DACT3: variants seen among roughly 807,000 people sequenced by gnomAD.
The protein encoded by DACT3 is dapper homolog 3.
DACT3 carries 5 observed loss-of-function variants against 19.6 expected under a neutral mutation model. The observed-to-expected ratio is 0.26, with a 90% CI of 0.13 to 0.54. The LOEUF is 0.54. DACT3 is among the 20% of genes least tolerant of loss of function. DACT3 has a pLI of 0.95. For synonymous variants in DACT3, 454 were observed against 428.1 expected, an observed-to-expected ratio of 1.06 and a Z score of -0.75; for missense variants, 908 against 927.4, an observed-to-expected ratio of 0.98 and a Z score of 0.27.
At chr19:46,652,551 A>T (rs957080566) in intron 3 of DACT3, 109 bp downstream of exon 3, 30 of 1,196,248 alleles carry the variant, frequency 2.5e-5, no homozygotes, top group Non-Finnish European at 3.3e-5. Context: ...GTGAAAAGGA[A>T]ATGTCACAGC....
At chr19:46,659,389 G>A (rs1258085666) in intron 1 of DACT3, 6 of 972,522 alleles carry the variant, frequency 6.2e-6, no homozygotes, top group Non-Finnish European at 7.3e-6. Flanking sequence ...CGAGGGCAGA[G>A]GGGGAGAGGA....
intron 1 of DACT3, chr19:46,654,978 C>G: frequency 1.0e-6 from 1 of 985,396 alleles, no homozygotes; most frequent in East Asian, 1.1e-4. Context: ...GTGAAGTCAT[C>G]TTTGAGCGGA....
At chr19:46,657,689 G>T (rs992907915) in intron 1 of DACT3, among the ~76,000 whole-genome samples, 12 of 151,440 alleles carry the variant, frequency 7.9e-5, no homozygotes, top group Admixed American at 2.6e-4. Context: ...ATGCCAGTTT[G>T]TATGATTACA....
rs2052948413 is a variant in DACT3, at chr19:46,648,950, A to T, written c.1422T>A (p.Arg474=). ...CGATCTCCGCAGTGGAGCGCCAGCG[A>T]CGGCAGGACCCTGCGGCCTGGGCCG... is the stretch of plus-strand genomic sequence containing the variant. ...TLAAQAAGSC[R]RWRSTAEIDA... Residue 474 remains arginine (R), a synonymous_variant, in exon 4 of 4, where the codon CGT becomes CGA. Transcript: ENST00000391916. The surrounding 1 kb of genome is among the most constrained non-coding windows in gnomAD (Gnocchi z 5.1). The T allele has an allele frequency of 7.6e-7, 1 of 1,316,932 alleles. No individual in the cohort carries two copies. Among genetic ancestry groups the T allele is most frequent in the African/African-American group, 1.6e-5 (1 of 64,370 alleles). The allele number at this position is 1,316,932 out of a possible 1,614,324, so 81.6% of individuals were successfully genotyped here.
At chr19:46,657,823 G>A (rs1386816552) in intron 1 of DACT3, among the ~76,000 whole-genome samples, 7 of 152,044 alleles carry the variant, frequency 4.6e-5, no homozygotes, top group South Asian at 2.1e-4. Context: ...AGACCGAGGC[G>A]GGAGGATCAC....
rs2053064770 is a variant in DACT3 at position 46,660,211 on chromosome 19, C to T, written c.249+605G>A. Reference sequence around the variant, plus strand: ...AGCAGGGGAAGTGTCACCAAAGGGTCAAGATCCCAGTGGGGGGTCCTCAGG... The same window carrying T: ...AGCAGGGGAAGTGTCACCAAAGGGTTAAGATCCCAGTGGGGGGTCCTCAGG... On this transcript the variant is annotated intron_variant, in intron 1 of 3. Coordinates refer to ENST00000391916, the MANE Select transcript of DACT3 (RefSeq NM_145056.3). The surrounding 1 kb of genome is among the most constrained non-coding windows in gnomAD (Gnocchi z 4.9). Among the ~76,000 whole-genome samples the T allele has an allele frequency of 6.6e-6, 1 of 152,162 alleles. No individual in the cohort carries two copies. Among genetic ancestry groups the T allele is most frequent in the South Asian group, 2.1e-4 (1 of 4,832 alleles).
At chr19:46,653,100 G>A (rs1402885554) in intron 1 of DACT3, 25 bp from the exon 2 acceptor site, 1 of 1,549,674 alleles carries the variant, frequency 6.5e-7, no homozygotes, top group Admixed American at 2.0e-5. Context: ...AGAGAAGGAT[G>A]GTCAGAAGGC....
At chr19:46,658,986 A>T in intron 1 of DACT3, 4 of 654,800 alleles carry the variant, frequency 6.1e-6, no homozygotes, top group Non-Finnish European at 7.6e-6. Flanking sequence ...CATTCCTATT[A>T]GAAAGTAATC....
chr19:46,651,712 C>T (rs1234453619), intron 3 of DACT3: 1 of 142,656 alleles, frequency 7.0e-6, no homozygotes, highest in African/African-American at 2.6e-5. Flanking sequence ...TTATTTTTAT[C>T]TTTTTGAGGC....
At chr19:46,655,483 T>C (rs2053025953) in intron 1 of DACT3, among the ~76,000 whole-genome samples, 1 of 151,976 alleles carries the variant, frequency 6.6e-6, no homozygotes, top group African/African-American at 2.4e-5. Context: ...TGTGGTGGTG[T>C]GTGCCTGTAA....
At chr19:46,655,952 AACACACATATATATAT>A (rs1360869413) in intron 1 of DACT3, among the ~76,000 whole-genome samples, 4 of 144,396 alleles carry the variant, frequency 2.8e-5, no homozygotes, top group Non-Finnish European at 4.5e-5. Context: ...TATATACACA[AACACACATATATATAT>A]ACACACATAT....
chr19:46,648,458 G>A lies in DACT3; in HGVS notation c.*24C>T. 1.2e-6 allele frequency: 2 copies of A among 1,613,800 alleles called. No individual in the cohort carries two copies. Among genetic ancestry groups the A allele is most frequent in the South Asian group, 1.1e-5 (1 of 90,982 alleles). ...TGTGGAGGTGCAGAGGCCATGAAGG[G>A]GGAGCCCAAGCAAATCCCCAAACTC... On this transcript the variant is annotated 3_prime_UTR_variant, in exon 4 of 4. Transcript: ENST00000391916. The surrounding 1 kb of genome is among the most constrained non-coding windows in gnomAD (Gnocchi z 5.1).
chr19:46,657,990 T>C (rs2053045295), intron 1 of DACT3, among the ~76,000 whole-genome samples: 3 of 151,292 alleles, frequency 2.0e-5, no homozygotes, highest in Admixed American at 2.0e-4. Context: ...AGGTGGAGGT[T>C]GCAGTGAGCC....
chr19:46,653,539 T>TTTATTTA (rs2053006759), intron 1 of DACT3, among the ~76,000 whole-genome samples: 4 of 141,152 alleles, frequency 2.8e-5, no homozygotes, highest in African/African-American at 5.3e-5. Context: ...CTTTTTTTAT[T>TTTATTTA]TTTATTTATT....
Position 46,648,318 on chromosome 19 carries a change from T to G in DACT3, c.*164A>C, listed in dbSNP as rs1170673909. On this transcript the variant is annotated 3_prime_UTR_variant, in exon 4 of 4. Transcript: ENST00000391916. This position sits in a 1 kb window ranked among gnomAD's most constrained non-coding sequence, Gnocchi z 5.1. ...TCCTCCCCATTCCTCTCGGTGGTGG[T>G]GGGGGAGCCTTTTCAACCAAGACTG... 412 of 920,926 alleles carry G rather than the reference T, an allele frequency of 4.5e-4. No individual in the cohort carries two copies. Among genetic ancestry groups the G allele is most frequent in the Non-Finnish European group, 5.6e-4 (361 of 646,730 alleles). The allele number at this position is 920,926 out of a possible 1,614,324, so 57.0% of individuals were successfully genotyped here.
intron 3 of DACT3, chr19:46,651,186 G>C (rs923478168): frequency 1.3e-5 from 2 of 151,560 alleles, no homozygotes; most frequent in Non-Finnish European, 2.9e-5. Context: ...AGGTTCAAGC[G>C]ATTCTCCTGC....
In DACT3 at chr19:46,649,155, A is replaced by G. The variant is rs2052952055; in HGVS notation, c.1217T>C (p.Met406Thr). The change falls in exon 4 of 4, where the codon ATG becomes ACG. Residue 406 changes from methionine to threonine, a missense_variant. Physicochemically the swap from Met to Thr is moderately conservative, Grantham distance 81. Around this residue, in one of 2 missense-constraint regions of DACT3, gnomAD observed 656 missense variants for 601.8 expected, o/e 1.09. Coordinates refer to ENST00000391916, the MANE Select transcript of DACT3 (RefSeq NM_145056.3). ...RPRAAGRRGR[M>T]AEASGRRGSP... is the part of the protein sequence containing the mutation. ...GCCGCGGCGGCCCGAAGCCTCGGCC[A>G]TGCGTCCACGGCGGCCGGCGGCCCG... is the stretch of plus-strand genomic sequence containing the variant. The G allele has an allele frequency of 1.8e-5, 23 of 1,243,294 alleles. No homozygotes were observed. The highest frequency in any genetic ancestry group is 2.3e-5 in the Non-Finnish European group (23 of 995,128). 77.0% of individuals were successfully genotyped at this position (1,243,294 alleles called of 1,614,324 possible).
intron 3 of DACT3, chr19:46,650,444 T>C (rs67042137): frequency 0.45 from 66,557 of 148,584 alleles, 15,871 homozygotes; most frequent in Non-Finnish European, 0.53. Flanking sequence ...GACAGGTTCT[T>C]GCTTGCTCTG....
At position 46,652,832 on chromosome 19, in the gene DACT3, A is replaced by G; in HGVS notation, c.347-20T>C. 6.5e-7 allele frequency: 1 copy of G among 1,547,442 alleles called. No individual in the cohort carries two copies. The highest frequency in any genetic ancestry group is 8.7e-7 in the Non-Finnish European group (1 of 1,144,168). On this transcript the variant is annotated intron_variant, in intron 2 of 3. Transcript: ENST00000391916. The stretch of plus-strand genomic sequence containing the variant: ...AGAAGCCTAAATTTCCAGGAGAAGC[A>G]GAGAGACTTCAGGGGGTTTGGGTGG...
Sources: allele counts gnomAD v4.1 joint callset (sites outside exome capture counted in the v4.1 genomes callset), GRCh38; gene constraint gnomAD v4.1.1; regional missense constraint gnomAD v4.1.1; non-coding constraint Gnocchi (gnomAD v3.1); transcripts MANE v1.5; gene names NCBI Gene and HGNC (gene_info 2026-07-23, HGNC 2026-07-21).